Variants in METTL21A observed in about 807,000 individuals in gnomAD.
The protein encoded by METTL21A is methyltransferase 21A, HSPA lysine, also known as protein N-lysine methyltransferase METTL21A.
METTL21A carries 22 observed loss-of-function variants against 20.9 expected under a neutral mutation model. That is an observed-to-expected ratio of 1.05 (90% CI 0.75 to 1.50). The LOEUF is 1.50. Among genes scored for constraint, METTL21A ranks in the 40% most tolerant of loss-of-function variants. The pLI is 0.00. For missense variants in METTL21A, 271 were observed against 266.8 expected, an observed-to-expected ratio of 1.02 and a Z score of -0.11; for synonymous variants, 93 against 102.0, an observed-to-expected ratio of 0.91 and a Z score of 0.53.
intron 3 of METTL21A, among the ~76,000 whole-genome samples, chr2:207,585,912 A>G (rs2083736811): frequency 6.6e-6 from 1 of 152,200 alleles, no homozygotes; most frequent in South Asian, 2.1e-4. Context: ...TGGGAGTGCC[A>G]CAAGGAGAAA....
intron 3 of METTL21A, chr2:207,603,348 G>A (rs898124596): frequency 2.7e-5 from 6 of 224,020 alleles, no homozygotes; most frequent in Non-Finnish European, 5.3e-5. Flanking sequence ...TTTTCTTACT[G>A]TAATCTTTGT....
At chr2:207,618,418 A>G (rs1448413869) in intron 3 of METTL21A, among the ~76,000 whole-genome samples, 2 of 152,234 alleles carry the variant, frequency 1.3e-5, no homozygotes, top group Non-Finnish European at 2.9e-5. Flanking sequence ...GTAAGAGATA[A>G]ACAATAAATA....
chr2:207,605,660 G>T (rs181195164), downstream of METTL21A, among the ~76,000 whole-genome samples: 1 of 152,252 alleles, frequency 6.6e-6, no homozygotes, highest in African/African-American at 2.4e-5. Flanking sequence ...TACACAAAAG[G>T]TAGGTACAAA....
At chr2:207,621,115 C>G (rs1575153870) in intron 3 of METTL21A, among the ~76,000 whole-genome samples, 1 of 152,066 alleles carries the variant, frequency 6.6e-6, no homozygotes, top group East Asian at 1.9e-4. Context: ...GCTGGTCTAC[C>G]CTTATGATTA....
chr2:207,621,923 T>C lies in METTL21A; in HGVS notation c.148-6A>G. On this transcript the variant is annotated splice_polypyrimidine_tract_variant and splice_region_variant and intron_variant, in intron 2 of 3. Transcript: ENST00000406927. Reference sequence around the variant, plus strand: ...TATGTGGAAAGAACGATGGCCTGAATGAAAACACAGTGTGATGACGATTAA... The same window carrying C: ...TATGTGGAAAGAACGATGGCCTGAACGAAAACACAGTGTGATGACGATTAA... 1 of 1,612,560 alleles carries C rather than the reference T, an allele frequency of 6.2e-7. No individual in the cohort carries two copies. The highest frequency in any genetic ancestry group is 8.5e-7 in the Non-Finnish European group (1 of 1,178,704).
chr2:207,599,215 G>A (rs143340162), intron 3 of METTL21A: 1 of 196,634 alleles, frequency 5.1e-6, no homozygotes, highest in East Asian at 8.0e-5. Flanking sequence ...GAGCTAATGG[G>A]GAAAGTTATA....
At chr2:207,585,804 AAG>A (rs2083714944) in intron 3 of METTL21A, among the ~76,000 whole-genome samples, 1 of 152,202 alleles carries the variant, frequency 6.6e-6, no homozygotes, top group Non-Finnish European at 1.5e-5. Context: ...TCTGAACTTT[AAG>A]AGAGAGGTCT....
At chr2:207,594,386 C>T (rs1575019502) in intron 3 of METTL21A, among the ~76,000 whole-genome samples, 1 of 152,122 alleles carries the variant, frequency 6.6e-6, no homozygotes. Flanking sequence ...CCCATTTCCT[C>T]GTTCCCCCAG....
At chr2:207,624,088 C>A in intron 2 of METTL21A, 141 bp downstream of exon 2, 1 of 1,004,500 alleles carries the variant, frequency 1.0e-6, no homozygotes, top group Non-Finnish European at 1.4e-6. Flanking sequence ...TTTTTAAAAC[C>A]GCACTGAATT....
downstream of METTL21A, among the ~76,000 whole-genome samples, chr2:207,604,332 C>T (rs1400277279): frequency 6.6e-6 from 1 of 152,212 alleles, no homozygotes; most frequent in Admixed American, 6.5e-5. Flanking sequence ...AGGCCCAAGA[C>T]AAACTTAACT....
intron 3 of METTL21A, chr2:207,597,137 T>A: frequency 7.0e-7 from 1 of 1,438,178 alleles, no homozygotes; most frequent in Non-Finnish European, 9.3e-7. Context: ...ATAAACATTT[T>A]ATTTTCTAAA....
intron 1 of METTL21A, 66 bp from the exon 2 acceptor site, chr2:207,624,470 T>A (rs2090885693): frequency 1.6e-5 from 21 of 1,351,186 alleles, no homozygotes; most frequent in Non-Finnish European, 2.1e-5. Flanking sequence ...CTTAACTAAC[T>A]CCAAATGCTT....
intron 3 of METTL21A, among the ~76,000 whole-genome samples, chr2:207,621,154 T>C (rs1047944351): frequency 6.6e-6 from 1 of 152,198 alleles, no homozygotes; most frequent in African/African-American, 2.4e-5. Context: ...TGTCAGAAGT[T>C]ATAGAAATGA....
chr2:207,596,812 G>T, intron 3 of METTL21A: 1 of 1,319,522 alleles, frequency 7.6e-7, no homozygotes, highest in Non-Finnish European at 1.1e-6. Flanking sequence ...TAAAATGTTG[G>T]TTGCTGTGAG....
intron 3 of METTL21A, among the ~76,000 whole-genome samples, chr2:207,582,317 C>T (rs1324730643): frequency 6.6e-6 from 1 of 152,158 alleles, no homozygotes; most frequent in Admixed American, 6.5e-5. Context: ...TAAATCTTGT[C>T]TACAGTAATT....
chr2:207,598,010 C>A, intron 3 of METTL21A: 1 of 181,638 alleles, frequency 5.5e-6, no homozygotes, highest in East Asian at 9.0e-5. Context: ...TTACTGTTGC[C>A]CATTGCACTT....
At chr2:207,607,317 C>G (rs566343915), downstream of METTL21A, among the ~76,000 whole-genome samples, 1 of 152,092 alleles carries the variant, frequency 6.6e-6, no homozygotes, top group East Asian at 1.9e-4. Flanking sequence ...TGAACCCAGG[C>G]AGAGGCTGCA....
chr2:207,607,732 G>A (rs1176766487), downstream of METTL21A, among the ~76,000 whole-genome samples: 2 of 114,666 alleles, frequency 1.7e-5, no homozygotes, highest in Non-Finnish European at 3.6e-5. Flanking sequence ...TATTAATTGG[G>A]GGAAAAATTA....
chr2:207,586,454 T>C (rs2083857851), intron 3 of METTL21A, among the ~76,000 whole-genome samples: 1 of 152,144 alleles, frequency 6.6e-6, no homozygotes, highest in African/African-American at 2.4e-5. Context: ...CCCCAAACTC[T>C]TAGACTACTA....
Sources: gnomAD v4.1 joint callset for allele counts (sites outside exome capture counted in the v4.1 genomes callset) on GRCh38, gnomAD v4.1.1 for gene constraint, MANE v1.5 for transcripts, NCBI Gene and HGNC (gene_info 2026-07-23, HGNC 2026-07-21) for gene names.